ZNF292: variants seen among roughly 807,000 people sequenced by gnomAD.
ZNF292 encodes zinc finger protein 292.
ZNF292 carries 26 observed loss-of-function variants against 217.9 expected under a neutral mutation model. The ratio of observed to expected loss-of-function variants is 0.12; its 90% CI spans 0.09 to 0.17. The LOEUF is 0.17. Ranked by LOEUF, ZNF292 falls within the 10% of genes least tolerant of loss-of-function variation. The probability of loss-of-function intolerance (pLI) is 1.00; values close to 1 mark genes in which losing one functional copy is unlikely to be tolerated. For missense variants in ZNF292, 2,904 were observed against 3,175.2 expected, an observed-to-expected ratio of 0.91 and a Z score of 2.05; for synonymous variants, 1,257 against 1,124.1, an observed-to-expected ratio of 1.12 and a Z score of -2.37.
Position 87,255,618 on chromosome 6 carries a change from A to G in ZNF292, c.1989A>G (p.Lys663=), listed in dbSNP as rs1192198511. ...GSDDENDDKD[K]SYEPEVIPVQ... ...ATGATGAGAATGATGACAAAGATAA[A>G]TCCTATGAGCCAGAAGTGATTCCAG... Residue 663 remains lysine (K), a synonymous_variant, in exon 8 of 8, where the codon AAA becomes AAG. Coordinates refer to ENST00000369577, the MANE Select transcript of ZNF292 (RefSeq NM_015021.3). 2 of 1,612,210 alleles carry G rather than the reference A, an allele frequency of 1.2e-6. No homozygotes were observed. Among genetic ancestry groups the G allele is most frequent in the Admixed American group, 3.4e-5 (2 of 59,656 alleles).
chr6:87,261,966 C>G lies in ZNF292; in HGVS notation c.*165C>G. On this transcript the variant is annotated 3_prime_UTR_variant, in exon 8 of 8. Transcript: ENST00000369577. Reference sequence around the variant, plus strand: ...AAAACATGACATTTGTCATGTAAAACTTTTTTTTATCCCTATGGGACTTGA... The same window carrying G: ...AAAACATGACATTTGTCATGTAAAAGTTTTTTTTATCCCTATGGGACTTGA... 1 of 503,662 alleles carries G rather than the reference C, an allele frequency of 2.0e-6. No individual in the cohort carries two copies. 31.2% of individuals were successfully genotyped at this position (503,662 alleles called of 1,614,324 possible).
At position 87,258,998 on chromosome 6, in the gene ZNF292, A is replaced by G. The variant is rs751024969; in HGVS notation, c.5369A>G (p.Asn1790Ser). Residue 1790 changes from asparagine to serine, a missense_variant, in exon 8 of 8, where the codon AAT becomes AGT. By Grantham distance (46) the Asn-to-Ser change is conservative. This residue lies in a region of ZNF292 where 622 missense variants were observed against 573.1 expected (regional missense o/e 1.09). Transcript: ENST00000369577. ...AGETSQNAQI[N>S]YNIQLPSVNT... ...GAAACTTCACAAAATGCTCAAATAA[A>G]TTATAACATTCAGCTTCCTTCAGTA... The G allele has an allele frequency of 1.2e-6, 2 of 1,613,562 alleles. No homozygotes were observed. The highest frequency in any genetic ancestry group is 2.2e-5 in the South Asian group (2 of 91,060).
intron 1 of ZNF292, among the ~76,000 whole-genome samples, chr6:87,201,332 C>T (rs928748587): frequency 1.3e-5 from 2 of 152,144 alleles, no homozygotes; most frequent in Non-Finnish European, 2.9e-5. Context: ...TATTTTCTGT[C>T]TTAAGAAAAC....
chr6:87,230,862 G>T (rs1350625195), intron 4 of ZNF292, among the ~76,000 whole-genome samples: 2 of 152,056 alleles, frequency 1.3e-5, no homozygotes, highest in Admixed American at 6.6e-5. Flanking sequence ...TTTCTTGATA[G>T]GCCCAAATAT....
At position 87,260,100 on chromosome 6, in the gene ZNF292, T is replaced by G; in HGVS notation, c.6471T>G (p.Gly2157=). Reference sequence around the variant, plus strand: ...AGGTCGAAGAGGAAAGTGAAGCTGGTAAAGAAAGTGAAGAAACTGAAACTA... The same window carrying G: ...AGGTCGAAGAGGAAAGTGAAGCTGGGAAAGAAAGTGAAGAAACTGAAACTA... The part of the protein sequence containing the change: ...SAEVEEESEA[G]KESEETETKQ... Residue 2157 remains glycine, a synonymous_variant, in exon 8 of 8, where the codon GGT becomes GGG. Coordinates refer to ENST00000369577, the MANE Select transcript of ZNF292 (RefSeq NM_015021.3). 1 of 1,613,490 alleles carries G rather than the reference T, an allele frequency of 6.2e-7. No individual in the cohort carries two copies. Among genetic ancestry groups the G allele is most frequent in the Non-Finnish European group, 8.5e-7 (1 of 1,179,606 alleles).
intron 1 of ZNF292, among the ~76,000 whole-genome samples, chr6:87,187,554 C>G (rs141419306): frequency 3.3e-5 from 5 of 151,882 alleles, no homozygotes; most frequent in Admixed American, 6.6e-5. Flanking sequence ...CCCATCTCTA[C>G]TAAAAATACA....
At position 87,256,821 on chromosome 6, in the gene ZNF292, T is replaced by C; in HGVS notation, c.3192T>C (p.Pro1064=). 4.3e-6 allele frequency: 7 copies of C among 1,613,702 alleles called. No individual in the cohort carries two copies. Among genetic ancestry groups the C allele is most frequent in the Non-Finnish European group, 5.9e-6 (7 of 1,179,826 alleles). Residue 1064 remains proline, a synonymous_variant, in exon 8 of 8, where the codon CCT becomes CCC. Transcript: ENST00000369577. ...CATCATCCAATCTTTATAATTTACC[T>C]CTTAAGACATTAGAAAGTATTGCAT... ...VKTSSNLYNL[P]LKTLESIAFV... is the part of the protein sequence containing the mutation.
chr6:87,156,170 C>T (rs1439989072), intron 1 of ZNF292, among the ~76,000 whole-genome samples: 1 of 152,240 alleles, frequency 6.6e-6, no homozygotes, highest in Non-Finnish European at 1.5e-5. Flanking sequence ...CCCACTCCGA[C>T]GGGCCTCCGC....
At chr6:87,210,728 C>T (rs1274748133) in intron 1 of ZNF292, among the ~76,000 whole-genome samples, 1 of 151,974 alleles carries the variant, frequency 6.6e-6, no homozygotes, top group Admixed American at 6.6e-5. Flanking sequence ...TGCTGTGAGC[C>T]GAGATCATGC....
Position 87,255,764 on chromosome 6 carries a change from A to C in ZNF292, c.2135A>C (p.Lys712Thr). 6.2e-7 allele frequency: 1 copy of C among 1,613,912 alleles called. No homozygotes were observed. Among genetic ancestry groups the C allele is most frequent in the African/African-American group, 1.3e-5 (1 of 75,078 alleles). Residue 712 changes from lysine to threonine, a missense_variant, in exon 8 of 8, where the codon AAG becomes ACG. Around this residue, in one of 15 missense-constraint regions of ZNF292, gnomAD observed 216 missense variants for 308.3 expected, o/e 0.70. Transcript: ENST00000369577. Reference sequence around the variant, plus strand: ...GGGCATAAAGATAATGAAGACGCCAAGCGCTTTCTTGAAATGCAGAGCAAA... The same window carrying C: ...GGGCATAAAGATAATGAAGACGCCACGCGCTTTCTTGAAATGCAGAGCAAA... Reference protein sequence around the residue: ...VKGHKDNEDAKRFLEMQSKKV... With the variant: ...VKGHKDNEDATRFLEMQSKKV...
At chr6:87,229,269 C>A (rs1001085962) in intron 4 of ZNF292, among the ~76,000 whole-genome samples, 1 of 152,040 alleles carries the variant, frequency 6.6e-6, no homozygotes, top group African/African-American at 2.4e-5. Flanking sequence ...TTATATCTTG[C>A]AGCTTTACCA....
chr6:87,245,724 C>A, intron 7 of ZNF292, 80 bp downstream of exon 7: 2 of 960,188 alleles, frequency 2.1e-6, no homozygotes, highest in Non-Finnish European at 2.9e-6. Context: ...ATGATTTTGG[C>A]TCCCTTTTCA....
rs1775199929 is a variant in ZNF292, at chr6:87,256,188, G to A, written c.2559G>A (p.Gln853=). The A allele has an allele frequency of 1.9e-6, 3 of 1,613,684 alleles. No individual in the cohort carries two copies. The highest frequency in any genetic ancestry group is 2.2e-5 in the East Asian group (1 of 44,890). ...TTAATTCATCTGGAGATTCCATTCAGCCTTCTGAAGTGAATCAGAACACAG... is the reference window on the plus strand; with the variant it reads ...TTAATTCATCTGGAGATTCCATTCAACCTTCTGAAGTGAATCAGAACACAG... ...AQLNSSGDSI[Q]PSEVNQNTAE... is the part of the protein sequence containing the mutation. The change falls in exon 8 of 8, where the codon CAG becomes CAA. Residue 853 remains glutamine, a synonymous_variant. Coordinates refer to ENST00000369577, the MANE Select transcript of ZNF292 (RefSeq NM_015021.3).
At chr6:87,238,516 T>C (rs1187724377) in intron 5 of ZNF292, among the ~76,000 whole-genome samples, 1 of 150,290 alleles carries the variant, frequency 6.7e-6, no homozygotes, top group African/African-American at 2.4e-5. Flanking sequence ...CTAATGATAG[T>C]AATAACATTG....
chr6:87,180,951 G>C (rs1410641018), intron 1 of ZNF292, among the ~76,000 whole-genome samples: 1 of 152,062 alleles, frequency 6.6e-6, no homozygotes, highest in Non-Finnish European at 1.5e-5. Flanking sequence ...CTGCTTGGTC[G>C]CCCCGCAGCT....
intron 1 of ZNF292, among the ~76,000 whole-genome samples, chr6:87,213,390 C>T (rs375687426): frequency 6.6e-6 from 1 of 152,162 alleles, no homozygotes; most frequent in African/African-American, 2.4e-5. Flanking sequence ...AATGGTGAGA[C>T]CACACCCGGA....
At chr6:87,202,966 T>C (rs1444360473) in intron 1 of ZNF292, among the ~76,000 whole-genome samples, 5 of 152,114 alleles carry the variant, frequency 3.3e-5, no homozygotes, top group Non-Finnish European at 4.4e-5. Flanking sequence ...AAATAGTATA[T>C]GTAGAGTTCA....
rs768360821 is a variant in ZNF292, at chr6:87,259,522, C to G, written c.5893C>G (p.Arg1965Gly). 1 of 1,587,190 alleles carries G rather than the reference C, an allele frequency of 6.3e-7. No individual in the cohort carries two copies. Among genetic ancestry groups the G allele is most frequent in the Non-Finnish European group, 8.6e-7 (1 of 1,165,558 alleles). ...AACATTTACAAGAAATTCTAACCTC[C>G]GGGCACACTGTCAGTTGGTGCATCA... The part of the protein sequence containing the change: ...TKTFTRNSNL[R>G]AHCQLVHHFT... The change falls in exon 8 of 8, where the codon CGG (arginine) becomes GGG (glycine). Residue 1965 changes from arginine (R) to glycine (G), a missense_variant. This residue lies in a region of ZNF292 where 50 missense variants were observed against 90.5 expected (regional missense o/e 0.55). Transcript: ENST00000369577.
At chr6:87,251,962 C>T (rs936186359) in intron 7 of ZNF292, among the ~76,000 whole-genome samples, 4 of 152,112 alleles carry the variant, frequency 2.6e-5, no homozygotes, top group East Asian at 1.9e-4. Context: ...AGTGGAATTC[C>T]CCTTTTAAAT....
Sources: allele counts gnomAD v4.1 joint callset (sites outside exome capture counted in the v4.1 genomes callset), GRCh38; gene constraint gnomAD v4.1.1; regional missense constraint gnomAD v4.1.1; transcripts MANE v1.5; gene names NCBI Gene and HGNC (gene_info 2026-07-23, HGNC 2026-07-21).